PDGFC: variants seen among roughly 807,000 people sequenced by gnomAD.
PDGFC encodes the protein platelet-derived growth factor C.
PDGFC carries 12 observed loss-of-function variants against 35.5 expected under a neutral mutation model. The observed-to-expected ratio is 0.34, with a 90% CI of 0.22 to 0.55. The LOEUF (loss-of-function observed/expected upper bound fraction) is 0.55, where lower values mean the gene tolerates loss of function less well. PDGFC is among the 20% of genes least tolerant of loss of function. The probability of loss-of-function intolerance (pLI) is 0.91; values close to 1 mark genes in which losing one functional copy is unlikely to be tolerated. For missense variants in PDGFC, 322 were observed against 412.4 expected (o/e 0.78, Z 1.90); for synonymous variants, 159 against 148.8 (o/e 1.07, Z -0.50).
chr4:156,891,327 G>GAAAAAAAAAAAAAAAAAAAAAAAA (rs1730504039), intron 1 of PDGFC, among the ~76,000 whole-genome samples: 1 of 68,346 alleles, frequency 1.5e-5, no homozygotes, highest in Admixed American at 1.8e-4. Context: ...AAAAAAAAAG[G>GAAAAAAAAAAAAAAAAAAAAAAAA]AAAAATACAG....
chr4:156,802,583 C>T (rs566219138), intron 3 of PDGFC, among the ~76,000 whole-genome samples: 76 of 142,862 alleles, frequency 5.3e-4, no homozygotes, highest in African/African-American at 1.8e-3. Context: ...CACACACACA[C>T]ATATACATTT....
At chr4:156,829,969 C>T (rs1728888243) in intron 2 of PDGFC, among the ~76,000 whole-genome samples, 1 of 151,970 alleles carries the variant, frequency 6.6e-6, no homozygotes, top group Non-Finnish European at 1.5e-5. Flanking sequence ...CCCACTAGTA[C>T]TACTTCACTA....
rs368121069 is a variant in PDGFC at position 156,785,158 on chromosome 4, T to C, written c.496-12265A>G. 4.6e-5 allele frequency among the ~76,000 whole-genome samples: 7 copies of C among 152,210 alleles called. No homozygotes were observed. In the South Asian group the frequency reaches 1.0e-3, roughly 22 times the overall value. On this transcript the variant is annotated intron_variant, in intron 3 of 5. Transcript: ENST00000502773. ...CAAACAGGATGATTCACATTCTGCA[T>C]AGGCAGAGACTAAGGACACCCAGGC...
intron 2 of PDGFC, among the ~76,000 whole-genome samples, chr4:156,839,408 T>A (rs1325995885): frequency 6.6e-6 from 1 of 152,184 alleles, no homozygotes; most frequent in Non-Finnish European, 1.5e-5. Context: ...AAGAAGGATG[T>A]GTTTGCTTCC....
At chr4:156,785,509 C>T (rs772136542) in intron 3 of PDGFC, among the ~76,000 whole-genome samples, 2 of 152,084 alleles carry the variant, frequency 1.3e-5, no homozygotes, top group Non-Finnish European at 1.5e-5. Flanking sequence ...CCACTGTGCC[C>T]GGCCCTAAGT....
chr4:156,944,815 C>A (rs1182197321), intron 1 of PDGFC, among the ~76,000 whole-genome samples: 2 of 152,082 alleles, frequency 1.3e-5, no homozygotes, highest in South Asian at 4.1e-4. Context: ...TGTATTCTCA[C>A]TCGGCAGAAA....
At chr4:156,967,295 T>C (rs764643188) in intron 1 of PDGFC, 3 of 152,058 alleles carry the variant, frequency 2.0e-5, no homozygotes, top group Non-Finnish European at 2.9e-5. Flanking sequence ...TACAGGAGCA[T>C]TGACAGTAGG....
At chr4:156,781,123 A>G (rs1247910322) in intron 3 of PDGFC, among the ~76,000 whole-genome samples, 1 of 152,098 alleles carries the variant, frequency 6.6e-6, no homozygotes, top group Non-Finnish European at 1.5e-5. Context: ...TCTTATCAAC[A>G]CATTATTACC....
chr4:156,804,057 T>C (rs572617995), intron 3 of PDGFC, among the ~76,000 whole-genome samples: 99 of 151,566 alleles, frequency 6.5e-4, no homozygotes, highest in African/African-American at 2.4e-3. Context: ...ATCTACCTAA[T>C]TTTATGGGAA....
rs1017351554 is a variant in PDGFC at position 156,856,089 on chromosome 4, T to G, written c.119-5673A>C. Among the ~76,000 whole-genome samples, 5 of 152,152 alleles carry G rather than the reference T, an allele frequency of 3.3e-5. No individual in the cohort carries two copies. In the East Asian group the frequency reaches 9.6e-4, roughly 29 times the overall value. ...GGCTAGAGGGAAAAGAGACTCTAGT[T>G]TCTGCTTTATCATCATTTCCCATAT... On this transcript the variant is annotated intron_variant, in intron 1 of 5. Transcript: ENST00000502773.
chr4:156,873,432 T>C (rs1444468286), intron 1 of PDGFC, among the ~76,000 whole-genome samples: 1 of 152,204 alleles, frequency 6.6e-6, no homozygotes, highest in Non-Finnish European at 1.5e-5. Flanking sequence ...GTACCATTAA[T>C]TGTTCTTAAT....
intron 1 of PDGFC, among the ~76,000 whole-genome samples, chr4:156,893,899 CA>C (rs1193429131): frequency 1.3e-5 from 2 of 152,162 alleles, no homozygotes; most frequent in Non-Finnish European, 2.9e-5. Flanking sequence ...CCAAAGGTTA[CA>C]TAATTTTTTT....
intron 1 of PDGFC, among the ~76,000 whole-genome samples, chr4:156,913,225 C>G (rs1316445052): frequency 6.6e-6 from 1 of 152,118 alleles, no homozygotes; most frequent in East Asian, 1.9e-4. Context: ...CTATTTCTAA[C>G]AAAATTTTCT....
intron 3 of PDGFC, among the ~76,000 whole-genome samples, chr4:156,809,432 A>T (rs1731868069): frequency 6.6e-6 from 1 of 151,948 alleles, no homozygotes; most frequent in Non-Finnish European, 1.5e-5. Context: ...CTTCATCACA[A>T]GTCTTATGAA....
intron 3 of PDGFC, among the ~76,000 whole-genome samples, chr4:156,792,594 C>T (rs1041551306): frequency 6.6e-6 from 1 of 151,976 alleles, no homozygotes. Flanking sequence ...TATCTTCAGG[C>T]AGAAATGCCA....
intron 1 of PDGFC, among the ~76,000 whole-genome samples, chr4:156,965,294 T>A (rs1322971004): frequency 6.6e-6 from 1 of 152,120 alleles, no homozygotes; most frequent in African/African-American, 2.4e-5. Context: ...CAGATACTCA[T>A]CGGGCACACT....
At chr4:156,824,349 C>T (rs36103835) in intron 2 of PDGFC, among the ~76,000 whole-genome samples, 15,239 of 133,582 alleles carry the variant, frequency 0.11, 1,414 homozygotes, top group African/African-American at 0.24. Flanking sequence ...CACACACACA[C>T]ATATACACAC....
At chr4:156,933,450 A>C (rs1165817077) in intron 1 of PDGFC, among the ~76,000 whole-genome samples, 1 of 152,218 alleles carries the variant, frequency 6.6e-6, no homozygotes, top group Non-Finnish European at 1.5e-5. Flanking sequence ...TGGAGCAAAG[A>C]TATGCTCTGC....
At position 156,898,753 on chromosome 4, in the gene PDGFC, T is replaced by C. The variant is rs556957998; in HGVS notation, c.119-48337A>G. Among the ~76,000 whole-genome samples, 19 of 152,262 alleles carry C rather than the reference T, an allele frequency of 1.2e-4. No homozygotes were observed. The South Asian group carries it at 3.7e-3, about 30-fold the overall frequency. ...AGGCCACTGCAGCCTCAACTTCTCTTGGGCCAAAGAAATCCTCCTGCCTCC... is the reference window on the plus strand; with the variant it reads ...AGGCCACTGCAGCCTCAACTTCTCTCGGGCCAAAGAAATCCTCCTGCCTCC... On this transcript the variant is annotated intron_variant, in intron 1 of 5. Transcript: ENST00000502773.
Sources: gnomAD v4.1 joint callset for allele counts (sites outside exome capture counted in the v4.1 genomes callset) on GRCh38, gnomAD v4.1.1 for gene constraint, MANE v1.5 for transcripts, NCBI Gene and HGNC (gene_info 2026-07-23, HGNC 2026-07-21) for gene names.